NREP: variants seen among roughly 807,000 people sequenced by gnomAD.
NREP encodes neuronal regeneration related protein.
A neutral mutation model predicts 8.6 loss-of-function variants in NREP; 5 were observed. The observed-to-expected ratio is 0.58, with a 90% confidence interval of 0.30 to 1.22. The LOEUF (loss-of-function observed/expected upper bound fraction) is 1.22. Among genes scored for constraint, NREP ranks in the 50% most tolerant of loss-of-function variants. The pLI is 0.07. For missense variants in NREP, 86 were observed against 82.5 expected (o/e 1.04, Z -0.17); for synonymous variants, 27 against 28.0 (o/e 0.96, Z 0.11).
At chr5:111,959,341 A>G (rs1756418977) in intron 2 of NREP, among the ~76,000 whole-genome samples, 1 of 151,898 alleles carries the variant, frequency 6.6e-6, no homozygotes, top group South Asian at 2.1e-4. Flanking sequence ...ATTAGAGAGG[A>G]GTATAAGGCA....
intron 2 of NREP, among the ~76,000 whole-genome samples, chr5:111,789,749 CTT>C (rs1010153033): frequency 2.0e-5 from 3 of 152,156 alleles, no homozygotes; most frequent in Non-Finnish European, 4.4e-5. Context: ...TTGACCCTCT[CTT>C]TGTCATTAAT....
chr5:111,741,109 G>C (rs1023809132), intron 2 of NREP, among the ~76,000 whole-genome samples: 1 of 152,124 alleles, frequency 6.6e-6, no homozygotes, highest in Non-Finnish European at 1.5e-5. Context: ...GGGTCCTATA[G>C]GGTTAAAGAA....
chr5:111,927,521 G>A (rs1755423077), intron 2 of NREP, among the ~76,000 whole-genome samples: 1 of 152,186 alleles, frequency 6.6e-6, no homozygotes, highest in Admixed American at 6.5e-5. Flanking sequence ...CTAAGGGAAA[G>A]TTAAGCTTGA....
chr5:111,775,008 G>T (rs1188992424), intron 2 of NREP, among the ~76,000 whole-genome samples: 1 of 152,190 alleles, frequency 6.6e-6, no homozygotes, highest in Non-Finnish European at 1.5e-5. Context: ...CTTATGATGT[G>T]AGGAGAAATT....
intron 2 of NREP, among the ~76,000 whole-genome samples, chr5:111,839,731 A>C (rs1752979004): frequency 6.6e-6 from 1 of 152,122 alleles, no homozygotes; most frequent in Non-Finnish European, 1.5e-5. Flanking sequence ...TGTTATAATA[A>C]TATAAAGTCT....
intron 2 of NREP, among the ~76,000 whole-genome samples, chr5:111,750,445 A>G (rs1750289266): frequency 6.6e-6 from 1 of 152,202 alleles, no homozygotes; most frequent in Non-Finnish European, 1.5e-5. Context: ...GGATTTTGAA[A>G]TCATACTCAA....
At chr5:111,812,645 C>T (rs900460068) in intron 2 of NREP, among the ~76,000 whole-genome samples, 1 of 152,102 alleles carries the variant, frequency 6.6e-6, no homozygotes, top group Non-Finnish European at 1.5e-5. Flanking sequence ...AAAAGTCACA[C>T]CAATATTAAG....
Position 111,799,244 on chromosome 5 carries a change from T to C in NREP, c.136-63737A>G, listed in dbSNP as rs185434646. Among the ~76,000 whole-genome samples the C allele has an allele frequency of 1.3e-3, 193 of 152,334 alleles. 1 individual carries two copies. The highest frequency in any genetic ancestry group is 2.5e-3 in the Non-Finnish European group (168 of 68,030). On this transcript the variant is annotated intron_variant, in intron 2 of 3. Transcript: ENST00000395634. ...TCTCTTTGCTTTGTCTTGCTTTGAC[T>C]ATGCAGGCTCTTTTTTGGTTCCATA... is the stretch of plus-strand genomic sequence containing the variant.
intron 2 of NREP, among the ~76,000 whole-genome samples, chr5:111,964,155 C>T (rs1484509134): frequency 2.0e-5 from 3 of 152,148 alleles, no homozygotes; most frequent in Non-Finnish European, 4.4e-5. Flanking sequence ...AGTTTTACTA[C>T]TTATTCCCCA....
At chr5:111,940,154 C>T (rs752592972) in intron 2 of NREP, 7 of 152,100 alleles carry the variant, frequency 4.6e-5, no homozygotes, top group Non-Finnish European at 1.0e-4. Flanking sequence ...CAAAACAAAA[C>T]TATTCCTTCA....
At chr5:111,807,235 T>C (rs927022279) in intron 2 of NREP, among the ~76,000 whole-genome samples, 1 of 152,158 alleles carries the variant, frequency 6.6e-6, no homozygotes, top group Non-Finnish European at 1.5e-5. Context: ...AAGCCAGAAA[T>C]TCTTTATTTC....
chr5:111,747,760 T>C (rs1182357878), intron 2 of NREP, among the ~76,000 whole-genome samples: 1 of 152,178 alleles, frequency 6.6e-6, no homozygotes, highest in Non-Finnish European at 1.5e-5. Flanking sequence ...CCTTCTTGAA[T>C]ATAAGTTATA....
intron 2 of NREP, among the ~76,000 whole-genome samples, chr5:111,888,150 T>C (rs1030055309): frequency 5.9e-5 from 9 of 152,214 alleles, no homozygotes; most frequent in African/African-American, 2.2e-4. Flanking sequence ...GCTTTTAGGT[T>C]GGAAGTCAGT....
At position 111,852,381 on chromosome 5, in the gene NREP, C is replaced by A. The variant is rs527266817; in HGVS notation, c.136-116874G>T. Among the ~76,000 whole-genome samples, 3 of 152,070 alleles carry A rather than the reference C, an allele frequency of 2.0e-5. No homozygotes were observed. The East Asian group carries it at 5.8e-4, about 29-fold the overall frequency. On this transcript the variant is annotated intron_variant, in intron 2 of 3. Transcript: ENST00000395634. ...TACATCTTCTAGTGTATGTGAGGTC[C>A]CCTTCACACTCTGACGAGGGGCGCA...
chr5:111,906,576 T>A (rs1286146938), intron 2 of NREP, among the ~76,000 whole-genome samples: 1 of 152,116 alleles, frequency 6.6e-6, no homozygotes, highest in Admixed American at 6.6e-5. Context: ...TAATAAAGCA[T>A]TTTAGTGATA....
chr5:111,811,250 T>A (rs1752262660), intron 2 of NREP, among the ~76,000 whole-genome samples: 1 of 152,208 alleles, frequency 6.6e-6, no homozygotes, highest in South Asian at 2.1e-4. Context: ...GATGAATCCT[T>A]CTGAATTTGC....
chr5:111,802,093 G>C (rs759571735), intron 2 of NREP, among the ~76,000 whole-genome samples: 15 of 152,130 alleles, frequency 9.9e-5, no homozygotes, highest in Non-Finnish European at 1.3e-4. Context: ...AATTAAAATA[G>C]AGGTTTCGGC....
chr5:111,896,094 C>T (rs1476754394), intron 2 of NREP, among the ~76,000 whole-genome samples: 1 of 152,116 alleles, frequency 6.6e-6, no homozygotes, highest in Non-Finnish European at 1.5e-5. Context: ...ATCATCTTAG[C>T]TGTTAAACAG....
intron 2 of NREP, among the ~76,000 whole-genome samples, chr5:111,793,638 A>C (rs1013165534): frequency 2.6e-5 from 4 of 152,188 alleles, no homozygotes; most frequent in African/African-American, 9.7e-5. Flanking sequence ...TTACCAGCTA[A>C]CTGGGCAGAC....
Sources: allele counts gnomAD v4.1 joint callset (sites outside exome capture counted in the v4.1 genomes callset), GRCh38; gene constraint gnomAD v4.1.1; transcripts MANE v1.5; gene names NCBI Gene and HGNC (gene_info 2026-07-23, HGNC 2026-07-21).